The following GALNT17 variants were observed in gnomAD, a reference collection of about 807,000 sequenced individuals.
GALNT17 encodes polypeptide N-acetylgalactosaminyltransferase 17, also known as UDP-GalNAc:polypeptide N-acetylgalactosaminyltransferase-like 3.
GALNT17 carries 29 observed loss-of-function variants against 63.7 expected under a neutral mutation model. The observed-to-expected ratio is 0.46, with a 90% CI of 0.34 to 0.62. GALNT17 has a LOEUF of 0.62. Ranked by LOEUF, GALNT17 falls within the 20% of genes least tolerant of loss-of-function variation. The probability of loss-of-function intolerance (pLI) is 0.01; values close to 1 mark genes in which losing one functional copy is unlikely to be tolerated. For missense variants in GALNT17, 603 were observed against 799.6 expected, an observed-to-expected ratio of 0.75 and a Z score of 2.97; for synonymous variants, 305 against 318.3, an observed-to-expected ratio of 0.96 and a Z score of 0.45.
intron 3 of GALNT17, among the ~76,000 whole-genome samples, chr7:71,393,760 G>A (rs1793091012): frequency 6.6e-6 from 1 of 152,130 alleles, no homozygotes; most frequent in South Asian, 2.1e-4. Context: ...GTTTCACTCA[G>A]TTTGAATATT....
intron 5 of GALNT17, among the ~76,000 whole-genome samples, chr7:71,571,003 A>G (rs1789431957): frequency 6.6e-6 from 1 of 152,134 alleles, no homozygotes; most frequent in Non-Finnish European, 1.5e-5. Flanking sequence ...AACAAAAAAC[A>G]GCCTTACAGA....
chr7:71,239,465 C>G (rs1789955797), intron 1 of GALNT17, among the ~76,000 whole-genome samples: 1 of 152,198 alleles, frequency 6.6e-6, no homozygotes, highest in South Asian at 2.1e-4. Context: ...GAGAGACACC[C>G]TGTCTTGAAA....
At chr7:71,240,676 C>CTTTTTTTT (rs1562940440) in intron 1 of GALNT17, among the ~76,000 whole-genome samples, 6 of 137,304 alleles carry the variant, frequency 4.4e-5, no homozygotes, top group Admixed American at 7.8e-5. Flanking sequence ...TCTTTTTTTC[C>CTTTTTTTT]TTTTTTTTGA....
At chr7:71,442,373 A>T (rs1787084022) in intron 5 of GALNT17, among the ~76,000 whole-genome samples, 1 of 151,556 alleles carries the variant, frequency 6.6e-6, no homozygotes, top group South Asian at 2.1e-4. Flanking sequence ...ATTTTTTTGT[A>T]TTTTTTTAGT....
intron 6 of GALNT17, among the ~76,000 whole-genome samples, chr7:71,617,666 G>T (rs907891510): frequency 6.7e-6 from 1 of 149,812 alleles, no homozygotes; most frequent in Non-Finnish European, 1.5e-5. Flanking sequence ...GTTTTGAGAT[G>T]GAATCTCGCT....
At chr7:71,231,878 A>G (rs1183629333) in intron 1 of GALNT17, among the ~76,000 whole-genome samples, 2 of 152,012 alleles carry the variant, frequency 1.3e-5, no homozygotes, top group Admixed American at 1.3e-4. Context: ...TTACCTCCCA[A>G]AGGCCCCACC....
At chr7:71,552,199 C>A (rs1010908200) in intron 5 of GALNT17, among the ~76,000 whole-genome samples, 3 of 151,982 alleles carry the variant, frequency 2.0e-5, no homozygotes, top group Non-Finnish European at 4.4e-5. Flanking sequence ...AGCATGCCAC[C>A]ACACTTGTCT....
chr7:71,420,798 T>C, intron 4 of GALNT17, 110 bp from the exon 5 acceptor site: 7 of 1,346,252 alleles, frequency 5.2e-6, no homozygotes, highest in Non-Finnish European at 7.3e-6. Flanking sequence ...AGTTCCAGCC[T>C]TCCCAAAGCC....
rs1167496150 is a variant in GALNT17, at chr7:71,410,612, G to C, written c.590-5277G>C. 2.6e-5 allele frequency among the ~76,000 whole-genome samples: 4 copies of C among 152,212 alleles called. No individual in the cohort carries two copies. The East Asian group carries it at 7.7e-4, about 29-fold the overall frequency. ...CTACTAGGTCAATACTTGCTCCTGA[G>C]CAGGGCTCTGAGCCCAGGGATGGTA... On this transcript the variant is annotated intron_variant, in intron 3 of 10. Coordinates refer to ENST00000333538, the MANE Select transcript of GALNT17 (RefSeq NM_022479.3).
chr7:71,665,498 A>G lies in GALNT17; in HGVS notation c.1168A>G (p.Ile390Val), dbSNP rs368742212. Residue 390 changes from isoleucine to valine, a missense_variant, in exon 7 of 11, where the codon ATT becomes GTT. Ile to Val is a conservative substitution (Grantham distance 29). This residue lies in a region of GALNT17 where 336 missense variants were observed against 507.8 expected (regional missense o/e 0.66). Coordinates refer to ENST00000333538, the MANE Select transcript of GALNT17 (RefSeq NM_022479.3). ...ERKKKPYNSNIGFYTKRNALR... is the reference protein window; with the variant it reads ...ERKKKPYNSNVGFYTKRNALR... ...GAAGAAGAAGCCATATAATAGCAAC[A>G]TTGGCTTCTACACCAAGAGGAATGC... 8.1e-6 allele frequency: 13 copies of G among 1,613,764 alleles called. No individual in the cohort carries two copies. Among genetic ancestry groups the G allele is most frequent in the Non-Finnish European group, 1.1e-5 (13 of 1,180,004 alleles).
chr7:71,248,651 C>T (rs1222948998), intron 1 of GALNT17, among the ~76,000 whole-genome samples: 3 of 152,058 alleles, frequency 2.0e-5, no homozygotes, highest in African/African-American at 7.2e-5. Flanking sequence ...CTAGCTTTGT[C>T]AATGAATGGC....
chr7:71,263,291 G>A (rs929782648), intron 1 of GALNT17, among the ~76,000 whole-genome samples: 6 of 151,954 alleles, frequency 3.9e-5, no homozygotes, highest in Non-Finnish European at 4.4e-5. Flanking sequence ...CCCGGGAGGC[G>A]GAGGTTGCAG....
chr7:71,169,089 T>G (rs1788498527), intron 1 of GALNT17, among the ~76,000 whole-genome samples: 1 of 152,170 alleles, frequency 6.6e-6, no homozygotes, highest in Non-Finnish European at 1.5e-5. Flanking sequence ...GTGATCAGTA[T>G]CCAGCTCACT....
intron 1 of GALNT17, among the ~76,000 whole-genome samples, chr7:71,211,275 C>T (rs1789372311): frequency 6.6e-6 from 1 of 152,178 alleles, no homozygotes. Context: ...GTGAATAAGT[C>T]TCACGAGATC....
intron 5 of GALNT17, among the ~76,000 whole-genome samples, chr7:71,508,027 G>T (rs1788295227): frequency 6.6e-6 from 1 of 152,186 alleles, no homozygotes. Flanking sequence ...CCACCCCGAA[G>T]AAATTAAGCC....
At chr7:71,513,452 C>A (rs1788398260) in intron 5 of GALNT17, among the ~76,000 whole-genome samples, 1 of 151,990 alleles carries the variant, frequency 6.6e-6, no homozygotes, top group Non-Finnish European at 1.5e-5. Context: ...GTGGCACCAT[C>A]TTGGCTCACT....
chr7:71,245,292 A>C (rs1442814852), intron 1 of GALNT17, among the ~76,000 whole-genome samples: 2 of 152,298 alleles, frequency 1.3e-5, no homozygotes, highest in East Asian at 3.9e-4. Flanking sequence ...GGCCGTGCTA[A>C]GAGAGTGTGC....
chr7:71,337,634 C>T (rs1286177903), intron 2 of GALNT17, among the ~76,000 whole-genome samples: 1 of 152,112 alleles, frequency 6.6e-6, no homozygotes, highest in Non-Finnish European at 1.5e-5. Flanking sequence ...CTTTGGGAGG[C>T]TGAGGAGGGT....
intron 3 of GALNT17, among the ~76,000 whole-genome samples, chr7:71,404,048 G>C (rs574246580): frequency 6.6e-6 from 1 of 152,202 alleles, no homozygotes; most frequent in Non-Finnish European, 1.5e-5. Context: ...ATGGGGTAAG[G>C]TAGGGGAATG....
Sources: allele counts gnomAD v4.1 joint callset (sites outside exome capture counted in the v4.1 genomes callset), GRCh38; gene constraint gnomAD v4.1.1; regional missense constraint gnomAD v4.1.1; transcripts MANE v1.5; gene names NCBI Gene and HGNC (gene_info 2026-07-23, HGNC 2026-07-21).